The following FAM9C variants were observed in gnomAD, a reference collection of about 807,000 sequenced individuals.
FAM9C encodes protein FAM9C.
A neutral mutation model predicts 14.8 loss-of-function variants in FAM9C; 15 were observed. The ratio of observed to expected loss-of-function variants is 1.02; its 90% CI spans 0.68 to 1.56. The LOEUF (loss-of-function observed/expected upper bound fraction) is 1.56, where lower values mean the gene tolerates loss of function less well. Ranked by LOEUF, FAM9C falls within the 40% of genes most tolerant of loss-of-function variation. The pLI is 0.00. For missense variants in FAM9C, 116 were observed against 118.0 expected, an observed-to-expected ratio of 0.98 and a Z score of 0.08; for synonymous variants, 45 against 37.5, an observed-to-expected ratio of 1.20 and a Z score of -0.74.
At chrX:13,037,454 T>A (rs1284551862) in intron 7 of FAM9C, 1 of 113,034 alleles carries the variant, frequency 8.8e-6, no homozygotes, top group African/African-American at 3.2e-5. Flanking sequence ...TCTAGTCTCA[T>A]GTTCATACCA....
Position 13,043,209 on chromosome X carries a change from G to A in FAM9C, c.101C>T (p.Pro34Leu), listed in dbSNP as rs756858341. 16 of 1,208,633 alleles carry A rather than the reference G, an allele frequency of 1.3e-5. No homozygotes were observed. Among genetic ancestry groups the A allele is most frequent in the Non-Finnish European group, 1.8e-5 (16 of 894,220 alleles). ...ATCTCCCTCCTTTGTCTCTGTAACA[G>A]GTTTTCTTTCCTCATGCTCATGACT... Reference protein sequence around the residue: ...PVSHEHEERKPVTETKEGDVT... With the variant: ...PVSHEHEERKLVTETKEGDVT... Residue 34 changes from proline (P) to leucine (L), a missense_variant, in exon 3 of 8, where the codon CCT becomes CTT. By Grantham distance (98) the Pro-to-Leu change is moderately conservative. Transcript: ENST00000380625.
At chrX:13,043,997 C>T (rs1163559706) in intron 1 of FAM9C, 140 bp from the exon 2 acceptor site, 6 of 425,374 alleles carry the variant, frequency 1.4e-5, no homozygotes, top group Non-Finnish European at 2.1e-5. Flanking sequence ...ATCATCCCCT[C>T]CTGTCCTGGC....
rs2043476430 is a variant in FAM9C, at chrX:13,035,821, G to A, written c.*223C>T. Reference sequence around the variant, plus strand: ...GGTTCATTCAACAGATCATAGAAACGTGGTCTGGCATTTAACAAACAGACT... The same window carrying A: ...GGTTCATTCAACAGATCATAGAAACATGGTCTGGCATTTAACAAACAGACT... On this transcript the variant is annotated 3_prime_UTR_variant, in exon 8 of 8. Coordinates refer to ENST00000380625, the MANE Select transcript of FAM9C (RefSeq NM_174901.6). 8.9e-6 allele frequency: 1 copy of A among 112,099 alleles called. No homozygotes were observed. The highest frequency in any genetic ancestry group is 1.9e-5 in the Non-Finnish European group (1 of 53,118). 9.2% of individuals were successfully genotyped at this position (112,099 alleles called of 1,213,427 possible).
rs778292658 is a variant in FAM9C, at chrX:13,038,503, T to C, written c.439A>G (p.Lys147Glu). ...CTCTTTTGTTGCTCTTGAAATATTT[T>C]CTAGAGGCACAAAACAAAAAAGTGA... is the stretch of plus-strand genomic sequence containing the variant. ...EGDGEKEEQI[K>E]IFQEQQKRWQ... Residue 147 changes from lysine to glutamate, a missense_variant and splice_region_variant, in exon 7 of 8, where the codon AAA becomes GAA. By Grantham distance (56) the Lys-to-Glu change is moderately conservative. Coordinates refer to ENST00000380625, the MANE Select transcript of FAM9C (RefSeq NM_174901.6). 1 of 1,204,685 alleles carries C rather than the reference T, an allele frequency of 8.3e-7. No individual in the cohort carries two copies.
intron 5 of FAM9C, 83 bp downstream of exon 5, chrX:13,040,675 A>G: frequency 1.5e-6 from 1 of 661,125 alleles, no homozygotes; most frequent in Non-Finnish European, 2.3e-6. Flanking sequence ...CAATATGTAC[A>G]GGATAGTTCT....
chrX:13,043,128 C>G lies in FAM9C; in HGVS notation c.182G>C (p.Gly61Ala). 8.3e-7 allele frequency: 1 copy of G among 1,205,630 alleles called. No individual in the cohort carries two copies. Among genetic ancestry groups the G allele is most frequent in the Non-Finnish European group, 1.1e-6 (1 of 893,514 alleles). The change falls in exon 3 of 8, where the codon GGG becomes GCG. Residue 61 changes from glycine (G) to alanine (A), a missense_variant and splice_region_variant. Coordinates refer to ENST00000380625, the MANE Select transcript of FAM9C (RefSeq NM_174901.6). The part of the protein sequence containing the change: ...GSFAETDEHT[G>A]VDTKELEDIA... ...GGCAAAAGGGACTTAAACACTTTACCCCGTGTGTTCATCTGTTTCAGCAAA... is the reference window on the plus strand; with the variant it reads ...GGCAAAAGGGACTTAAACACTTTACGCCGTGTGTTCATCTGTTTCAGCAAA...
At chrX:13,044,308 C>T (rs1328150070) in intron 1 of FAM9C, among the ~76,000 whole-genome samples, 2 of 96,858 alleles carry the variant, frequency 2.1e-5, no homozygotes, top group Admixed American at 1.3e-4. Context: ...GACGGACCCA[C>T]GTTGACCCCC....
At chrX:13,038,563 T>C in intron 6 of FAM9C, 60 bp from the exon 7 acceptor site, 1 of 1,011,135 alleles carries the variant, frequency 9.9e-7, no homozygotes, top group South Asian at 2.3e-5. Flanking sequence ...TTATAAAACA[T>C]TCTGCATTAA....
At position 13,038,402 on chromosome X, in the gene FAM9C, C is replaced by T; in HGVS notation, c.*25+14G>A. Reference sequence around the variant, plus strand: ...ATTTTATAAGAACGTATTGTGTTACCAAATAGAACAGACCTTTGTGAATTG... The same window carrying T: ...ATTTTATAAGAACGTATTGTGTTACTAAATAGAACAGACCTTTGTGAATTG... On this transcript the variant is annotated intron_variant, in intron 7 of 7. Transcript: ENST00000380625. The T allele has an allele frequency of 1.8e-6, 2 of 1,132,933 alleles. No homozygotes were observed. Among genetic ancestry groups the T allele is most frequent in the Non-Finnish European group, 2.4e-6 (2 of 850,291 alleles). 93.4% of individuals were successfully genotyped at this position (1,132,933 alleles called of 1,213,427 possible).
chrX:13,040,677 G>T, intron 5 of FAM9C, 81 bp downstream of exon 5: 1 of 674,685 alleles, frequency 1.5e-6, no homozygotes, highest in Non-Finnish European at 2.2e-6. Context: ...ATATGTACAG[G>T]ATAGTTCTGG....
At chrX:13,037,104 T>G (rs777183120) in intron 7 of FAM9C, 7 of 111,791 alleles carry the variant, frequency 6.3e-5, no homozygotes, top group Non-Finnish European at 1.3e-4. Context: ...AGAACTGACA[T>G]GTGGATACCA....
chrX:13,037,703 C>T (rs943214260), intron 7 of FAM9C: 1 of 112,451 alleles, frequency 8.9e-6, no homozygotes, highest in Admixed American at 9.5e-5. Flanking sequence ...CCATTGCTTC[C>T]TAAATAATAT....
In FAM9C at chrX:13,036,064, C is replaced by T. The variant is rs1370230837; in HGVS notation, c.*26-46G>A. 6 of 112,439 alleles carry T rather than the reference C, an allele frequency of 5.3e-5. No homozygotes were observed. The South Asian group carries it at 1.1e-3, about 20-fold the overall frequency. 9.3% of individuals were successfully genotyped at this position (112,439 alleles called of 1,213,427 possible). A position where few individuals can be genotyped will look rare whatever the true frequency, so the allele number is the denominator to read the frequency against. ...TAAGTAATTGCGATACACATTTCTA[C>T]AAATAAAATATTCCAGTGCTTACAT... is the stretch of plus-strand genomic sequence containing the variant. On this transcript the variant is annotated intron_variant, in intron 7 of 7. Transcript: ENST00000380625.
At chrX:13,037,533 C>T (rs1328938314) in intron 7 of FAM9C, 3 of 112,649 alleles carry the variant, frequency 2.7e-5, no homozygotes, top group Non-Finnish European at 3.8e-5. Flanking sequence ...TATAAATAAC[C>T]GTTTTGTGTA....
intron 5 of FAM9C, 160 bp downstream of exon 5, chrX:13,040,598 T>A (rs1223784135): frequency 8.2e-6 from 3 of 364,509 alleles, no homozygotes; most frequent in Non-Finnish European, 1.4e-5. Flanking sequence ...AAATTGAGGT[T>A]ATAAAACTAA....
intron 4 of FAM9C, 157 bp downstream of exon 4, chrX:13,042,757 AAAGT>A (rs1025436866): frequency 5.2e-5 from 31 of 597,690 alleles, no homozygotes; most frequent in African/African-American, 2.0e-4. Flanking sequence ...AACAATTAAA[AAAGT>A]AAGTAAGAAA....
At chrX:13,044,254 C>T (rs774398713) in intron 1 of FAM9C, among the ~76,000 whole-genome samples, 120 of 111,143 alleles carry the variant, frequency 1.1e-3, no homozygotes, top group Non-Finnish European at 2.0e-3. Flanking sequence ...CCCAGGGGAC[C>T]CCTGGTGACC....
In FAM9C at chrX:13,035,741, T is replaced by G. The variant is rs1187243564; in HGVS notation, c.*303A>C. 1 of 112,682 alleles carries G rather than the reference T, an allele frequency of 8.9e-6. No homozygotes were observed. The highest frequency in any genetic ancestry group is 9.4e-5 in the Admixed American group (1 of 10,665). 9.3% of individuals were successfully genotyped at this position (112,682 alleles called of 1,213,427 possible). On this transcript the variant is annotated 3_prime_UTR_variant, in exon 8 of 8. Transcript: ENST00000380625. Reference sequence around the variant, plus strand: ...ACTAAATTATCTTTAATGTTAAAATTTAATTGACTGTGTATGTAACTGTGC... The same window carrying G: ...ACTAAATTATCTTTAATGTTAAAATGTAATTGACTGTGTATGTAACTGTGC...
chrX:13,036,728 T>C (rs749287352), intron 7 of FAM9C: 2 of 111,652 alleles, frequency 1.8e-5, no homozygotes, highest in African/African-American at 6.5e-5. Context: ...AAAAGTGGTA[T>C]GTTAATGCTG....
Sources: gnomAD v4.1 joint callset for allele counts (sites outside exome capture counted in the v4.1 genomes callset) on GRCh38, gnomAD v4.1.1 for gene constraint, MANE v1.5 for transcripts, NCBI Gene and HGNC (gene_info 2026-07-23, HGNC 2026-07-21) for gene names.